The following SMCHD1 variants were observed in gnomAD, a reference collection of about 807,000 sequenced individuals.
SMCHD1 encodes structural maintenance of chromosomes flexible hinge domain containing 1.
SMCHD1 carries 78 observed loss-of-function variants against 254.7 expected under a neutral mutation model. The observed-to-expected ratio is 0.31, with a 90% CI of 0.26 to 0.37. SMCHD1 has a LOEUF of 0.37. Ranked by LOEUF, SMCHD1 falls within the 10% of genes least tolerant of loss-of-function variation. The pLI is 1.00. For synonymous variants in SMCHD1, 766 were observed against 794.9 expected (o/e 0.96, Z 0.61); for missense variants, 1,840 against 2,408.1 (o/e 0.76, Z 4.94).
At chr18:2,773,638 T>C (rs2076019163) in intron 41 of SMCHD1, among the ~76,000 whole-genome samples, 1 of 152,140 alleles carries the variant, frequency 6.6e-6, no homozygotes, top group Non-Finnish European at 1.5e-5. Flanking sequence ...AAAACTAGAA[T>C]AGTCCGGGCG....
chr18:2,670,940 C>CTTT (rs1235079896), intron 3 of SMCHD1, among the ~76,000 whole-genome samples: 1,769 of 124,472 alleles, frequency 0.014, 70 homozygotes, highest in African/African-American at 0.055. Context: ...TCTTTTAATT[C>CTTT]TTTTTTTTTT....
At chr18:2,798,449 T>A (rs1260178703) in intron 47 of SMCHD1, among the ~76,000 whole-genome samples, 1 of 152,148 alleles carries the variant, frequency 6.6e-6, no homozygotes, top group African/African-American at 2.4e-5. Flanking sequence ...GACGCAAAAA[T>A]CCCTTATTGG....
chr18:2,752,279 A>T (rs2075589975), intron 33 of SMCHD1, among the ~76,000 whole-genome samples: 1 of 152,176 alleles, frequency 6.6e-6, no homozygotes, highest in Non-Finnish European at 1.5e-5. Context: ...GTGTCTTTTA[A>T]TAATGGGGTG....
At chr18:2,704,190 G>C (rs1272869876) in intron 13 of SMCHD1, among the ~76,000 whole-genome samples, 1 of 152,032 alleles carries the variant, frequency 6.6e-6, no homozygotes, top group African/African-American at 2.4e-5. Context: ...CTCCTCAGGA[G>C]CTAGGTAAGA....
At chr18:2,797,780 G>A (rs1016661222) in intron 47 of SMCHD1, among the ~76,000 whole-genome samples, 2 of 152,154 alleles carry the variant, frequency 1.3e-5, no homozygotes, top group Non-Finnish European at 1.5e-5. Flanking sequence ...AGCCAGTCAT[G>A]GTGGCGCACG....
At position 2,790,328 on chromosome 18, in the gene SMCHD1, A is replaced by G. The variant is rs553757156; in HGVS notation, c.5720-5621A>G. Among the ~76,000 whole-genome samples the G allele has an allele frequency of 5.3e-5, 8 of 152,366 alleles. No homozygotes were observed. In the South Asian group the frequency reaches 8.3e-4, roughly 16 times the overall value. On this transcript the variant is annotated intron_variant, in intron 45 of 47. Coordinates refer to ENST00000320876, the MANE Select transcript of SMCHD1 (RefSeq NM_015295.3). ...GTCCAAAATAGGTGAGTGCAGTACA[A>G]TAAGATACTTTGAGAGGGAAAGACC...
In SMCHD1 at chr18:2,706,302, G is replaced by GTT. The variant is rs1397580178; in HGVS notation, c.1957-58_1957-57dup. The GTT allele has an allele frequency of 3.3e-6, 4 of 1,195,098 alleles. No homozygotes were observed. The East Asian group carries it at 1.0e-4, about 31-fold the overall frequency. 74.0% of individuals were successfully genotyped at this position (1,195,098 alleles called of 1,614,324 possible). A position where few individuals can be genotyped will look rare whatever the true frequency, so the allele number is the denominator to read the frequency against. On this transcript the variant is annotated intron_variant, in intron 14 of 47. Coordinates refer to ENST00000320876, the MANE Select transcript of SMCHD1 (RefSeq NM_015295.3). Reference sequence around the variant, plus strand: ...CTTTGGAAGAAACAAATGGGTGTTTGTTTTTATTACAGCTAGATTTAAATA... The same window carrying GTT: ...CTTTGGAAGAAACAAATGGGTGTTTGTTTTTTTATTACAGCTAGATTTAAATA...
At chr18:2,764,828 A>G (rs2075840879) in intron 37 of SMCHD1, among the ~76,000 whole-genome samples, 1 of 152,212 alleles carries the variant, frequency 6.6e-6, no homozygotes, top group African/African-American at 2.4e-5. Flanking sequence ...AGTACCCCAC[A>G]GATACCAAGG....
chr18:2,727,257 G>A (rs778686230), intron 22 of SMCHD1: 10 of 152,118 alleles, frequency 6.6e-5, no homozygotes, highest in Non-Finnish European at 1.0e-4. Context: ...TAGCATGTAA[G>A]TTTTAACTCT....
chr18:2,786,026 T>C (rs2076234869), intron 45 of SMCHD1, among the ~76,000 whole-genome samples: 1 of 152,216 alleles, frequency 6.6e-6, no homozygotes, highest in African/African-American at 2.4e-5. Context: ...TTTTTATTTT[T>C]TATTTTTTTG....
rs1170021244 is a variant in SMCHD1 at position 2,777,395 on chromosome 18, CAG to C, written c.5367-410_5367-409del. Among the ~76,000 whole-genome samples, 4 of 152,318 alleles carry C rather than the reference CAG, an allele frequency of 2.6e-5. No homozygotes were observed. The East Asian group carries it at 7.7e-4, about 29-fold the overall frequency. On this transcript the variant is annotated intron_variant, in intron 42 of 47. Transcript: ENST00000320876. ...CTATTGTGTGGGAAGGACAGGAAGA[CAG>C]GGGACATAGAGCTGCCTTCCTCATA...
rs1200853483 is a variant in SMCHD1, at chr18:2,718,265, A to G, written c.2338+30A>G. 6.2e-7 allele frequency: 1 copy of G among 1,610,014 alleles called. No individual in the cohort carries two copies. Among genetic ancestry groups the G allele is most frequent in the Non-Finnish European group, 8.5e-7 (1 of 1,177,972 alleles). On this transcript the variant is annotated intron_variant, in intron 18 of 47. Coordinates refer to ENST00000320876, the MANE Select transcript of SMCHD1 (RefSeq NM_015295.3). This position sits in a 1 kb window ranked among gnomAD's most constrained non-coding sequence, Gnocchi z 4.6. ...GTTCTTATTCTGAATGTTAAAAAAT[A>G]CATTGGTATTGTGTTGACTTGATTT...
chr18:2,689,503 G>A (rs930140038), intron 7 of SMCHD1, among the ~76,000 whole-genome samples: 3 of 151,676 alleles, frequency 2.0e-5, no homozygotes, highest in Non-Finnish European at 2.9e-5. Flanking sequence ...TTACAGACGT[G>A]AGCCACCGCG....
At chr18:2,762,921 C>G (rs1383174918) in intron 36 of SMCHD1, among the ~76,000 whole-genome samples, 1 of 152,134 alleles carries the variant, frequency 6.6e-6, no homozygotes, top group Non-Finnish European at 1.5e-5. Context: ...TTAAAGAGAT[C>G]TGTTCTGATG....
intron 47 of SMCHD1, 133 bp from the exon 48 acceptor site, chr18:2,802,395 T>C (rs2076380161): frequency 1.5e-6 from 1 of 662,368 alleles, no homozygotes; most frequent in Non-Finnish European, 2.5e-6. Context: ...TTTAATTAAA[T>C]CTGTTTATAC....
chr18:2,707,849 T>C lies in SMCHD1; in HGVS notation c.2189T>C (p.Met730Thr), dbSNP rs2074555537. 2 of 1,609,250 alleles carry C rather than the reference T, an allele frequency of 1.2e-6. No individual in the cohort carries two copies. Among genetic ancestry groups the C allele is most frequent in the Non-Finnish European group, 1.7e-6 (2 of 1,177,962 alleles). The stretch of plus-strand genomic sequence containing the variant: ...ATACTGAATAAAAAAGGGGAAGCAA[T>C]GCAAAAGCTTCCAGGAACAAGCCAT... ...IEILNKKGEA[M>T]QKLPGTSHGG... is the part of the protein sequence containing the mutation. Residue 730 changes from methionine (M) to threonine (T), a missense_variant, in exon 17 of 48, where the codon ATG (methionine) becomes ACG (threonine). Around this residue, in one of 9 missense-constraint regions of SMCHD1, gnomAD observed 498 missense variants for 743.5 expected, o/e 0.67. Transcript: ENST00000320876.
Position 2,728,458 on chromosome 18 carries a change from T to C in SMCHD1, c.2775T>C (p.Gly925=). Residue 925 remains glycine, a splice_region_variant and synonymous_variant, in exon 23 of 48, where the codon GGT becomes GGC. Transcript: ENST00000320876. ...TTTCATTGTATAATTTACTGTTAGG[T>C]CACCCTCGTCGACTGAAAGTGAAAC... The part of the protein sequence containing the change: ...SQILKIRLLP[G]HPRRLKVKPD... The C allele has an allele frequency of 6.2e-7, 1 of 1,612,460 alleles. No homozygotes were observed.
At chr18:2,771,481 A>G (rs1322937944) in intron 39 of SMCHD1, 52 bp from the exon 40 acceptor site, 14 of 1,325,848 alleles carry the variant, frequency 1.1e-5, no homozygotes, top group African/African-American at 6.1e-5. Context: ...TTCAAAAACT[A>G]TGATTTGGGG....
chr18:2,662,667 C>CAAAAAAAAAAAAAAA (rs745838636), intron 1 of SMCHD1, among the ~76,000 whole-genome samples: 1 of 35,684 alleles, frequency 2.8e-5, no homozygotes, highest in African/African-American at 1.2e-4. Flanking sequence ...AACAAAAAAC[C>CAAAAAAAAAAAAAAA]AAAAAAAAAA....
Sources: allele counts gnomAD v4.1 joint callset (sites outside exome capture counted in the v4.1 genomes callset), GRCh38; gene constraint gnomAD v4.1.1; regional missense constraint gnomAD v4.1.1; non-coding constraint Gnocchi (gnomAD v3.1); transcripts MANE v1.5; gene names NCBI Gene and HGNC (gene_info 2026-07-23, HGNC 2026-07-21).